The following NEAT1 variants were observed in gnomAD, a reference collection of about 807,000 sequenced individuals.
NEAT1 encodes MENepsilon/beta.
chr11:65,442,618 C>T (rs1276212022), exon 1 of NEAT1: 1 of 151,270 alleles, frequency 6.6e-6, no homozygotes, highest in Non-Finnish European at 1.5e-5. Flanking sequence ...TATGGTGGCT[C>T]ACGCCTGAAT....
chr11:65,423,338 G>A (rs1333005336), exon 1 of NEAT1: 1 of 152,296 alleles, frequency 6.6e-6, no homozygotes, highest in African/African-American at 2.4e-5. Context: ...CTGGTCTTGT[G>A]GAACTGAACT....
exon 1 of NEAT1, chr11:65,425,464 C>G (rs1047864178): frequency 1.3e-5 from 2 of 152,168 alleles, no homozygotes; most frequent in African/African-American, 4.8e-5. Flanking sequence ...GTCAGACTTG[C>G]ATACGCAGCA....
exon 1 of NEAT1, chr11:65,444,906 CTT>C (rs1463318761): frequency 4.6e-6 from 1 of 217,896 alleles, no homozygotes; most frequent in Non-Finnish European, 9.4e-6. Flanking sequence ...ACCTCAGGTG[CTT>C]GGGGCCCAGC....
exon 1 of NEAT1, chr11:65,428,091 G>A (rs1477969662): frequency 1.3e-5 from 2 of 152,206 alleles, no homozygotes; most frequent in Non-Finnish European, 2.9e-5. Flanking sequence ...AGGTGTTGAT[G>A]GCAGTGCCAG....
exon 1 of NEAT1, chr11:65,435,429 A>T (rs1856649663): frequency 1.3e-5 from 2 of 152,144 alleles, no homozygotes; most frequent in African/African-American, 4.8e-5. Context: ...TGTTATTTTT[A>T]TGGCTCTATA....
exon 1 of NEAT1, chr11:65,429,730 G>T (rs1405344560): frequency 6.6e-6 from 1 of 152,106 alleles, no homozygotes; most frequent in African/African-American, 2.4e-5. Flanking sequence ...GTTATGTGTA[G>T]ATCTTTTCCA....
At chr11:65,432,486 A>G (rs1856621515) in exon 1 of NEAT1, 1 of 152,082 alleles carries the variant, frequency 6.6e-6, no homozygotes, top group African/African-American at 2.4e-5. Flanking sequence ...TTTGCTTCTG[A>G]TTACTTTTTC....
exon 1 of NEAT1, chr11:65,431,651 C>T (rs1051028213): frequency 3.3e-5 from 5 of 152,162 alleles, no homozygotes; most frequent in African/African-American, 9.7e-5. Context: ...TTGCATTTCC[C>T]TAATGAGGAG....
chr11:65,444,263 C>CTGTGTGTG (rs66756887), exon 1 of NEAT1: 140 of 254,892 alleles, frequency 5.5e-4, no homozygotes, highest in Middle Eastern at 9.1e-4. Context: ...AGTCCTCAGA[C>CTGTGTGTG]TGTGTGTGTG....
chr11:65,430,195 A>G (rs1229468664), exon 1 of NEAT1: 3 of 152,546 alleles, frequency 2.0e-5, no homozygotes, highest in Middle Eastern at 3.2e-3. Flanking sequence ...GAGCTCTCAC[A>G]GTGAACTCTC....
exon 1 of NEAT1, chr11:65,442,981 G>T (rs1231053822): frequency 1.3e-5 from 2 of 152,238 alleles, no homozygotes; most frequent in African/African-American, 4.8e-5. Context: ...GAAGTGGCCT[G>T]TACGATTTCT....
exon 1 of NEAT1, chr11:65,444,130 G>A (rs1033841622): frequency 2.5e-5 from 6 of 244,670 alleles, no homozygotes; most frequent in Non-Finnish European, 3.3e-5. Flanking sequence ...GGAGATGGAC[G>A]TGTGAGGAGG....
exon 1 of NEAT1, chr11:65,444,189 C>CA (rs1182465546): frequency 3.3e-6 from 1 of 299,166 alleles, no homozygotes. Flanking sequence ...GCAGTTGGCC[C>CA]AACACATTCC....
exon 1 of NEAT1, chr11:65,423,409 A>G (rs537977043): frequency 6.6e-6 from 1 of 152,064 alleles, no homozygotes; most frequent in East Asian, 1.9e-4. Flanking sequence ...TCGGCCTGGG[A>G]CGGGGCCCAG....
At chr11:65,425,093 G>A (rs1856547575) in exon 1 of NEAT1, 1 of 152,132 alleles carries the variant, frequency 6.6e-6, no homozygotes, top group Non-Finnish European at 1.5e-5. Context: ...GGTGAGCCAA[G>A]AAAATACTAA....
exon 1 of NEAT1, chr11:65,428,705 T>C (rs1377477979): frequency 6.6e-6 from 1 of 152,212 alleles, no homozygotes; most frequent in Non-Finnish European, 1.5e-5. Flanking sequence ...GAACTTCCTC[T>C]GAGTGAAGGC....
At chr11:65,439,318 C>T (rs760497010) in exon 1 of NEAT1, 5 of 152,104 alleles carry the variant, frequency 3.3e-5, no homozygotes, top group Non-Finnish European at 7.4e-5. Context: ...AATATTTTCT[C>T]CCATTCTGTG....
At chr11:65,443,507 T>C (rs1856733558) in exon 1 of NEAT1, 1 of 152,242 alleles carries the variant, frequency 6.6e-6, no homozygotes, top group Non-Finnish European at 1.5e-5. Context: ...GTAGTTACTA[T>C]GTGGGGACAC....
chr11:65,426,756 A>C (rs1856566046), exon 1 of NEAT1: 1 of 152,200 alleles, frequency 6.6e-6, no homozygotes, highest in East Asian at 1.9e-4. Context: ...GTTGGTAATC[A>C]TTGGTTTGAA....
Sources: gnomAD v4.1 joint callset for allele counts on GRCh38, gnomAD v4.1.1 for gene constraint, MANE v1.5 for transcripts, NCBI Gene and HGNC (gene_info 2026-07-23, HGNC 2026-07-21) for gene names.